The following ROPN1L variants were observed in gnomAD, a reference collection of about 807,000 sequenced individuals.
The protein encoded by ROPN1L is ropporin-1-like protein.
In ROPN1L, 23 loss-of-function variants were observed where a neutral mutation model predicts 22.7. The ratio of observed to expected loss-of-function variants is 1.01; its 90% CI spans 0.73 to 1.43. ROPN1L has a LOEUF of 1.43. Ranked by LOEUF, ROPN1L falls within the 40% of genes most tolerant of loss-of-function variation. The pLI is 0.00. For missense variants in ROPN1L, 271 were observed against 291.5 expected (o/e 0.93, Z 0.51); for synonymous variants, 116 against 117.8 (o/e 0.98, Z 0.10).
At chr5:10,476,481 AT>A (rs1560932494), downstream of ROPN1L, among the ~76,000 whole-genome samples, 1 of 152,184 alleles carries the variant, frequency 6.6e-6, no homozygotes, top group Non-Finnish European at 1.5e-5. Context: ...GGGAGCACAG[AT>A]TTTCTTTTTT....
rs890967778 is a variant in ROPN1L at position 10,465,018 on chromosome 5, T to G, written c.*71T>G. The G allele has an allele frequency of 3.6e-6, 3 of 833,726 alleles. No individual in the cohort carries two copies. The highest frequency in any genetic ancestry group is 3.4e-5 in the African/African-American group (2 of 58,556). 51.6% of individuals were successfully genotyped at this position (833,726 alleles called of 1,614,324 possible). ...TTCTGGCACCAAATACAACTTACCC[T>G]GAATCACACACCTCTGTAGTGTGAG... On this transcript the variant is annotated 3_prime_UTR_variant, in exon 5 of 5. Coordinates refer to ENST00000274134, the MANE Select transcript of ROPN1L (RefSeq NM_031916.5).
intron 3 of ROPN1L, among the ~76,000 whole-genome samples, chr5:10,455,583 T>TGCGGGCCGCTGTG (rs1741391286): frequency 6.6e-6 from 1 of 151,736 alleles, no homozygotes; most frequent in Non-Finnish European, 1.5e-5. Flanking sequence ...GGGCCGCTGA[T>TGCGGGCCGCTGTG]GCGGGCCGCT....
downstream of ROPN1L, among the ~76,000 whole-genome samples, chr5:10,469,791 T>C (rs191910081): frequency 3.9e-5 from 6 of 152,338 alleles, no homozygotes; most frequent in East Asian, 5.8e-4. Context: ...TGTTGGTTTA[T>C]GAGGTATAGG....
intron 3 of ROPN1L, among the ~76,000 whole-genome samples, chr5:10,458,641 G>A (rs1439721445): frequency 1.1e-3 from 28 of 24,848 alleles, no homozygotes; most frequent in African/African-American, 4.8e-3. Flanking sequence ...CATGTACACC[G>A]TCCCCACCAT....
intron 3 of ROPN1L, among the ~76,000 whole-genome samples, chr5:10,455,384 C>G (rs1372784809): frequency 1.3e-5 from 2 of 152,246 alleles, no homozygotes; most frequent in Admixed American, 6.5e-5. Flanking sequence ...GCCCCCACCC[C>G]CCAGTGGGAG....
chr5:10,444,577 C>A (rs1325473206), intron 1 of ROPN1L, among the ~76,000 whole-genome samples: 1 of 151,768 alleles, frequency 6.6e-6, no homozygotes, highest in East Asian at 2.0e-4. Context: ...CAGTGTAAGC[C>A]ACCGCACCTG....
intron 1 of ROPN1L, among the ~76,000 whole-genome samples, chr5:10,442,910 CAGATCTT>C (rs1371511933): frequency 8.5e-5 from 13 of 152,346 alleles, no homozygotes; most frequent in African/African-American, 2.9e-4. Flanking sequence ...TACAAGTCAA[CAGATCTT>C]AGAGGCATTA....
At chr5:10,468,930 T>C (rs1461179595), downstream of ROPN1L, among the ~76,000 whole-genome samples, 9 of 150,348 alleles carry the variant, frequency 6.0e-5, no homozygotes, top group Admixed American at 2.0e-4. Flanking sequence ...CCAAGGTGGG[T>C]GGATTACGAG....
chr5:10,466,305 G>T (rs1167737614), downstream of ROPN1L, among the ~76,000 whole-genome samples: 3 of 152,122 alleles, frequency 2.0e-5, no homozygotes, highest in Non-Finnish European at 4.4e-5. Context: ...TCTGGGATGA[G>T]ACGTGCTTTC....
downstream of ROPN1L, among the ~76,000 whole-genome samples, chr5:10,476,030 G>A (rs957220235): frequency 6.6e-6 from 1 of 152,212 alleles, no homozygotes; most frequent in Non-Finnish European, 1.5e-5. Context: ...AGAGCAGGGA[G>A]GAGGCCATTG....
At chr5:10,459,945 C>T (rs932668932) in intron 3 of ROPN1L, among the ~76,000 whole-genome samples, 1 of 152,000 alleles carries the variant, frequency 6.6e-6, no homozygotes, top group South Asian at 2.1e-4. Flanking sequence ...TGTGTGTTGG[C>T]GAGGGGGGTT....
chr5:10,467,881 G>T (rs916670410), downstream of ROPN1L, among the ~76,000 whole-genome samples: 3 of 152,154 alleles, frequency 2.0e-5, no homozygotes, highest in Non-Finnish European at 4.4e-5. Flanking sequence ...GCACTCATCT[G>T]CCCAGCCAGA....
At chr5:10,455,444 C>T (rs767403438) in intron 3 of ROPN1L, among the ~76,000 whole-genome samples, 2 of 152,206 alleles carry the variant, frequency 1.3e-5, no homozygotes, top group African/African-American at 4.8e-5. Context: ...ACGAAGGAGC[C>T]GCTCAGGCTC....
At chr5:10,456,826 G>A (rs1741435633) in intron 3 of ROPN1L, among the ~76,000 whole-genome samples, 1 of 152,210 alleles carries the variant, frequency 6.6e-6, no homozygotes, top group African/African-American at 2.4e-5. Flanking sequence ...GTGTTTTGAT[G>A]TATTTTTCCT....
intron 3 of ROPN1L, among the ~76,000 whole-genome samples, chr5:10,456,241 C>A (rs1215793589): frequency 6.6e-6 from 1 of 152,220 alleles, no homozygotes; most frequent in African/African-American, 2.4e-5. Context: ...AATCCCAGCA[C>A]TTTGGGAGGC....
rs778119880 is a variant in ROPN1L, at chr5:10,461,263, A to G, written c.497A>G (p.Lys166Arg). The stretch of plus-strand genomic sequence containing the variant: ...GGCGGGCCCGCTCGCATCCCCTTCA[A>G]GACGTTTTCCTACGTTTACCGCTAC... The part of the protein sequence containing the change: ...PEGGPARIPF[K>R]TFSYVYRYLA... The change falls in exon 4 of 5, where the codon AAG (lysine) becomes AGG (arginine). Residue 166 changes from lysine to arginine, a missense_variant. Coordinates refer to ENST00000274134, the MANE Select transcript of ROPN1L (RefSeq NM_031916.5). The G allele has an allele frequency of 7.4e-6, 12 of 1,614,148 alleles. No individual in the cohort carries two copies. In the South Asian group the frequency reaches 1.3e-4, roughly 18 times the overall value.
intron 1 of ROPN1L, among the ~76,000 whole-genome samples, chr5:10,446,730 A>G (rs1348090570): frequency 6.6e-6 from 1 of 150,738 alleles, no homozygotes; most frequent in Non-Finnish European, 1.5e-5. Context: ...CGGGTGGGGG[A>G]AAGAGGAGGA....
At chr5:10,465,040 T>A, downstream of ROPN1L, 1 of 614,860 alleles carries the variant, frequency 1.6e-6, no homozygotes, top group Non-Finnish European at 2.8e-6. Context: ...CTCTGTAGTG[T>A]GAGTGTTTCT....
intron 3 of ROPN1L, among the ~76,000 whole-genome samples, chr5:10,455,171 G>A (rs1729297366): frequency 6.6e-6 from 1 of 152,196 alleles, no homozygotes; most frequent in Non-Finnish European, 1.5e-5. Context: ...TTCAGTGACT[G>A]ACCTATGGTG....
Sources: gnomAD v4.1 joint callset for allele counts (sites outside exome capture counted in the v4.1 genomes callset) on GRCh38, gnomAD v4.1.1 for gene constraint, MANE v1.5 for transcripts, NCBI Gene and HGNC (gene_info 2026-07-23, HGNC 2026-07-21) for gene names.